SMYD3: variants seen among roughly 807,000 people sequenced by gnomAD.
SMYD3 encodes SET and MYND domain containing 3, also known as histone-lysine N-methyltransferase SMYD3.
Under a neutral mutation model 57.7 loss-of-function variants are expected in SMYD3, and 36 were observed. That is an observed-to-expected ratio of 0.62 (90% CI 0.48 to 0.82). The LOEUF (loss-of-function observed/expected upper bound fraction) is 0.82. SMYD3 is among the 40% of genes least tolerant of loss of function. The probability of loss-of-function intolerance (pLI) is 0.00; values close to 1 mark genes in which losing one functional copy is unlikely to be tolerated. For missense variants in SMYD3, 515 were observed against 538.8 expected (o/e 0.96, Z 0.44); for synonymous variants, 211 against 195.0 (o/e 1.08, Z -0.68).
At chr1:245,832,970 C>T (rs2049918783) in intron 10 of SMYD3, among the ~76,000 whole-genome samples, 1 of 151,156 alleles carries the variant, frequency 6.6e-6, no homozygotes, top group African/African-American at 2.4e-5. Context: ...AACTGTCAAA[C>T]CACCTTCTCC....
intron 5 of SMYD3, among the ~76,000 whole-genome samples, chr1:246,235,827 C>T (rs910972123): frequency 6.6e-6 from 1 of 152,192 alleles, no homozygotes; most frequent in African/African-American, 2.4e-5. Context: ...ATATGGAAAT[C>T]ATGAGCCACT....
intron 5 of SMYD3, among the ~76,000 whole-genome samples, chr1:245,973,600 A>C (rs1483456473): frequency 6.6e-6 from 1 of 152,248 alleles, no homozygotes; most frequent in Non-Finnish European, 1.5e-5. Context: ...ACGAGAGAGC[A>C]AACATACCAA....
chr1:245,845,657 T>C (rs1242372716), intron 10 of SMYD3, among the ~76,000 whole-genome samples: 5 of 152,224 alleles, frequency 3.3e-5, no homozygotes, highest in Non-Finnish European at 7.3e-5. Flanking sequence ...TGCTGTTCCC[T>C]TGGAAATTCT....
At chr1:246,303,088 G>A (rs2064920393) in intron 5 of SMYD3, among the ~76,000 whole-genome samples, 1 of 152,224 alleles carries the variant, frequency 6.6e-6, no homozygotes, top group Non-Finnish European at 1.5e-5. Flanking sequence ...CTGAAGAGCA[G>A]ACAGAGTCTA....
intron 8 of SMYD3, among the ~76,000 whole-genome samples, chr1:245,880,955 G>A (rs1212640730): frequency 6.6e-6 from 1 of 152,108 alleles, no homozygotes; most frequent in African/African-American, 2.4e-5. Context: ...AGTTCACATT[G>A]AGTACGGATA....
At chr1:246,128,998 A>G (rs1645899170) in intron 5 of SMYD3, among the ~76,000 whole-genome samples, 1 of 151,968 alleles carries the variant, frequency 6.6e-6, no homozygotes, top group Non-Finnish European at 1.5e-5. Flanking sequence ...GGGTTTTGCC[A>G]TGTTACTCAA....
intron 5 of SMYD3, among the ~76,000 whole-genome samples, chr1:246,259,860 C>G (rs2063970489): frequency 6.6e-6 from 1 of 152,224 alleles, no homozygotes; most frequent in South Asian, 2.1e-4. Flanking sequence ...TCCTCAGTAT[C>G]AAGTTCTCTG....
chr1:246,440,522 T>C (rs2103018683), intron 1 of SMYD3, among the ~76,000 whole-genome samples: 1 of 152,220 alleles, frequency 6.6e-6, no homozygotes, highest in African/African-American at 2.4e-5. Flanking sequence ...TTTTTTTAAT[T>C]ATGAAGTCAA....
intron 8 of SMYD3, among the ~76,000 whole-genome samples, chr1:245,898,678 T>C (rs183213882): frequency 6.6e-6 from 1 of 152,344 alleles, no homozygotes; most frequent in East Asian, 1.9e-4. Context: ...CAACAGAGCT[T>C]TGATAGACTG....
chr1:246,506,833 C>A (rs898234158), intron 1 of SMYD3, among the ~76,000 whole-genome samples: 6 of 31,348 alleles, frequency 1.9e-4, no homozygotes, highest in Non-Finnish European at 3.4e-4. Flanking sequence ...TGAGCCTGGG[C>A]CCCCTCCCAG....
At chr1:245,954,519 C>T (rs1372411507) in intron 5 of SMYD3, among the ~76,000 whole-genome samples, 2 of 152,092 alleles carry the variant, frequency 1.3e-5, no homozygotes, top group Admixed American at 6.5e-5. Context: ...ACAGAAAATG[C>T]TAAAACATTA....
intron 5 of SMYD3, among the ~76,000 whole-genome samples, chr1:246,129,298 C>T (rs1177102811): frequency 6.6e-6 from 1 of 151,612 alleles, no homozygotes; most frequent in African/African-American, 2.4e-5. Flanking sequence ...ATTTTGGGGT[C>T]ATGAAAGCTT....
chr1:246,247,938 G>A (rs2148491700), intron 5 of SMYD3, among the ~76,000 whole-genome samples: 1 of 152,270 alleles, frequency 6.6e-6, no homozygotes, highest in South Asian at 2.1e-4. Context: ...GTTTTCATGA[G>A]TGATGAGAAC....
At chr1:246,192,801 G>GCT (rs2062760329) in intron 5 of SMYD3, among the ~76,000 whole-genome samples, 1 of 152,040 alleles carries the variant, frequency 6.6e-6, no homozygotes, top group Non-Finnish European at 1.5e-5. Context: ...CTTGAGATTA[G>GCT]CTCTCTCTAG....
intron 5 of SMYD3, among the ~76,000 whole-genome samples, chr1:246,010,614 G>A (rs770796645): frequency 7.2e-5 from 11 of 152,140 alleles, no homozygotes; most frequent in Admixed American, 6.5e-5. Context: ...ACAGTGTGAC[G>A]GAGAAAGTCC....
At chr1:246,310,209 C>A (rs549989799) in intron 5 of SMYD3, among the ~76,000 whole-genome samples, 1 of 152,212 alleles carries the variant, frequency 6.6e-6, no homozygotes, top group South Asian at 2.1e-4. Context: ...TTTCAGAAAC[C>A]ATTAATCCTT....
chr1:245,960,135 A>C (rs1396151267), intron 5 of SMYD3, among the ~76,000 whole-genome samples: 1 of 152,220 alleles, frequency 6.6e-6, no homozygotes, highest in Non-Finnish European at 1.5e-5. Context: ...GTAAACTCTG[A>C]GTCCAAAGGG....
chr1:246,007,064 G>A (rs2059187352), intron 5 of SMYD3, among the ~76,000 whole-genome samples: 2 of 152,156 alleles, frequency 1.3e-5, no homozygotes, highest in Admixed American at 6.5e-5. Flanking sequence ...GCTAAGGCCC[G>A]AAGCTGAGGA....
chr1:246,033,308 T>G (rs1572918753), intron 5 of SMYD3, among the ~76,000 whole-genome samples: 1 of 152,154 alleles, frequency 6.6e-6, no homozygotes. Flanking sequence ...GGTTACACAC[T>G]GCATTTTCTA....
Sources: allele counts gnomAD v4.1 joint callset (sites outside exome capture counted in the v4.1 genomes callset), GRCh38; gene constraint gnomAD v4.1.1; transcripts MANE v1.5; gene names NCBI Gene and HGNC (gene_info 2026-07-23, HGNC 2026-07-21).